SEPTIN7: variants seen among roughly 807,000 people sequenced by gnomAD.
SEPTIN7 encodes septin-7.
SEPTIN7 carries 10 observed loss-of-function variants against 63.3 expected under a neutral mutation model. That is an observed-to-expected ratio of 0.16 (90% CI 0.10 to 0.27). The LOEUF (loss-of-function observed/expected upper bound fraction) is 0.27, where lower values mean the gene tolerates loss of function less well. Ranked by LOEUF, SEPTIN7 falls within the 10% of genes least tolerant of loss-of-function variation. SEPTIN7 has a pLI of 1.00. For missense variants in SEPTIN7, 310 were observed against 521.0 expected, an observed-to-expected ratio of 0.59 and a Z score of 3.94; for synonymous variants, 131 against 165.3, an observed-to-expected ratio of 0.79 and a Z score of 1.59.
Position 35,906,731 on chromosome 7 carries a change from C to G in SEPTIN7, c.*2438C>G, listed in dbSNP as rs1788622639. 6.6e-6 allele frequency: 1 copy of G among 152,208 alleles called. No homozygotes were observed. The highest frequency in any genetic ancestry group is 2.4e-5 in the African/African-American group (1 of 41,440). The allele number at this position is 152,208 out of a possible 1,614,324, so 9.4% of individuals were successfully genotyped here. On this transcript the variant is annotated 3_prime_UTR_variant, in exon 14 of 14. Transcript: ENST00000350320. ...GTAGCTCAGGCTGTAATCTTGAAAG[C>G]TGAGGAGATACCCATGCCTCTCAGA...
chr7:35,888,525 A>G (rs919865723), intron 10 of SEPTIN7, among the ~76,000 whole-genome samples: 11 of 152,142 alleles, frequency 7.2e-5, no homozygotes, highest in Non-Finnish European at 2.9e-5. Context: ...GTAATATATA[A>G]TAAATAAAAT....
intron 11 of SEPTIN7, among the ~76,000 whole-genome samples, chr7:35,893,947 A>G (rs1459094702): frequency 6.6e-6 from 1 of 152,142 alleles, no homozygotes; most frequent in Admixed American, 6.6e-5. Context: ...GGAGCCATCC[A>G]AGTACTTCTT....
chr7:35,886,268 G>A (rs13244180), intron 10 of SEPTIN7, among the ~76,000 whole-genome samples: 49,560 of 151,968 alleles, frequency 0.33, 8,315 homozygotes, highest in East Asian at 0.41. Context: ...TGCACAGCCT[G>A]GTAGCTGGTG....
At chr7:35,825,499 A>G (rs1431561630) in intron 1 of SEPTIN7, among the ~76,000 whole-genome samples, 3 of 152,248 alleles carry the variant, frequency 2.0e-5, no homozygotes, top group Non-Finnish European at 4.4e-5. Context: ...TTCAGTATCT[A>G]AAGGATCTGA....
At chr7:35,835,476 AT>A (rs1167823181) in intron 3 of SEPTIN7, among the ~76,000 whole-genome samples, 2 of 152,164 alleles carry the variant, frequency 1.3e-5, no homozygotes, top group Non-Finnish European at 2.9e-5. Flanking sequence ...GCATAGCGAG[AT>A]TAGGTTACTT....
intron 3 of SEPTIN7, chr7:35,846,902 A>C (rs1383750743): frequency 2.6e-5 from 4 of 152,208 alleles, no homozygotes; most frequent in African/African-American, 9.7e-5. Context: ...GCTTAGACTC[A>C]AGCAGAAAGG....
At position 35,873,650 on chromosome 7, in the gene SEPTIN7, T is replaced by C; in HGVS notation, c.387T>C (p.Pro129=). The change falls in exon 6 of 14, where the codon CCT becomes CCC. Residue 129 remains proline, a synonymous_variant. Transcript: ENST00000350320. ...DAVDNSNCWQ[P]VIDYIDSKFE... The stretch of plus-strand genomic sequence containing the variant: ...TATTTGCGTTCTATAGCTGGCAGCC[T>C]GTTATCGACTACATTGATAGTAAAT... 6.2e-7 allele frequency: 1 copy of C among 1,609,080 alleles called. No individual in the cohort carries two copies. The highest frequency in any genetic ancestry group is 8.5e-7 in the Non-Finnish European group (1 of 1,178,290).
chr7:35,897,418 C>T (rs1041964077), intron 11 of SEPTIN7, among the ~76,000 whole-genome samples: 1 of 152,096 alleles, frequency 6.6e-6, no homozygotes, highest in Admixed American at 6.6e-5. Flanking sequence ...TAACATAAAG[C>T]CCACCTGTAA....
intron 1 of SEPTIN7, among the ~76,000 whole-genome samples, chr7:35,811,795 G>A (rs1247204529): frequency 6.6e-6 from 1 of 152,076 alleles, no homozygotes; most frequent in Non-Finnish European, 1.5e-5. Context: ...AGGCCGAGGC[G>A]GGTGGATCAT....
intron 3 of SEPTIN7, 139 bp downstream of exon 3, chr7:35,833,039 A>AT: frequency 1.7e-6 from 1 of 579,236 alleles, no homozygotes. Context: ...ATGTGCATAC[A>AT]TTTTAAAATT....
At chr7:35,895,195 T>C (rs550224182) in intron 11 of SEPTIN7, among the ~76,000 whole-genome samples, 1 of 152,254 alleles carries the variant, frequency 6.6e-6, no homozygotes, top group African/African-American at 2.4e-5. Context: ...AATAAAAGGT[T>C]TTACTTGGAA....
intron 11 of SEPTIN7, among the ~76,000 whole-genome samples, chr7:35,892,017 A>G (rs914066752): frequency 1.3e-5 from 2 of 152,204 alleles, no homozygotes; most frequent in African/African-American, 2.4e-5. Context: ...TCAAGATGCC[A>G]CTGGGCAGTA....
At chr7:35,812,641 G>A (rs1003937002) in intron 1 of SEPTIN7, among the ~76,000 whole-genome samples, 18 of 152,036 alleles carry the variant, frequency 1.2e-4, no homozygotes, top group African/African-American at 4.3e-4. Flanking sequence ...GGTGGGTAGT[G>A]GATTTCATTT....
intron 2 of SEPTIN7, 105 bp from the exon 3 acceptor site, chr7:35,832,693 A>G (rs770863969): frequency 2.7e-6 from 2 of 751,614 alleles, no homozygotes; most frequent in Admixed American, 3.7e-5. Context: ...ATTTGCTGTG[A>G]ATAATAGTAT....
At chr7:35,903,317 A>G in intron 13 of SEPTIN7, 102 bp downstream of exon 13, 2 of 1,415,064 alleles carry the variant, frequency 1.4e-6, no homozygotes, top group Non-Finnish European at 1.9e-6. Context: ...AAAAGTCATC[A>G]CCCATTATCA....
intron 3 of SEPTIN7, among the ~76,000 whole-genome samples, chr7:35,859,530 C>T (rs1425304350): frequency 6.6e-6 from 1 of 152,142 alleles, no homozygotes; most frequent in Non-Finnish European, 1.5e-5. Flanking sequence ...TTCTTCATAT[C>T]CTGTATTTCC....
At chr7:35,803,633 T>G (rs1788139840) in intron 1 of SEPTIN7, among the ~76,000 whole-genome samples, 1 of 152,242 alleles carries the variant, frequency 6.6e-6, no homozygotes, top group Non-Finnish European at 1.5e-5. Flanking sequence ...CATTTTGAAT[T>G]AATAAGCTAT....
At chr7:35,912,231 G>A in the SEPTIN7 span, among the ~76,000 whole-genome samples, 1 of 152,232 alleles carries the variant, frequency 6.6e-6, no homozygotes, top group Admixed American at 6.5e-5. Flanking sequence ...ACGCTGGAAG[G>A]TTGTGGGTTT....
the SEPTIN7 span, among the ~76,000 whole-genome samples, chr7:35,915,663 T>C: frequency 6.6e-6 from 1 of 152,208 alleles, no homozygotes; most frequent in Non-Finnish European, 1.5e-5. Flanking sequence ...CTTCCTGTCC[T>C]GGCCATCCAA....
Sources: gnomAD v4.1 joint callset for allele counts (sites outside exome capture counted in the v4.1 genomes callset) on GRCh38, gnomAD v4.1.1 for gene constraint, MANE v1.5 for transcripts, NCBI Gene and HGNC (gene_info 2026-07-23, HGNC 2026-07-21) for gene names.